MGMT: variants seen among roughly 807,000 people sequenced by gnomAD.
MGMT encodes the protein methylated-DNA--protein-cysteine methyltransferase.
In MGMT, 14 loss-of-function variants were observed where a neutral mutation model predicts 15.9. That is an observed-to-expected ratio of 0.88 (90% CI 0.58 to 1.37). MGMT has a LOEUF of 1.37. Ranked by LOEUF, MGMT falls within the 40% of genes most tolerant of loss-of-function variation. MGMT has a pLI of 0.00. For synonymous variants in MGMT, 130 were observed against 118.2 expected (o/e 1.10, Z -0.65); for missense variants, 282 against 268.1 (o/e 1.05, Z -0.36).
At chr10:129,761,674 C>T (rs368078344) in intron 4 of MGMT, among the ~76,000 whole-genome samples, 5 of 152,222 alleles carry the variant, frequency 3.3e-5, no homozygotes, top group Admixed American at 6.5e-5. Context: ...GTCCACACAT[C>T]GGCACCCTGT....
intron 2 of MGMT, among the ~76,000 whole-genome samples, chr10:129,644,271 A>C (rs1847360431): frequency 6.6e-6 from 1 of 152,204 alleles, no homozygotes; most frequent in Non-Finnish European, 1.5e-5. Flanking sequence ...TGAGTGAGTG[A>C]GTACATTGAA....
chr10:129,574,326 CT>C (rs1846454552), intron 2 of MGMT, among the ~76,000 whole-genome samples: 1 of 152,224 alleles, frequency 6.6e-6, no homozygotes, highest in Non-Finnish European at 1.5e-5. Flanking sequence ...CTTGGCAGCC[CT>C]TTCCACCCGT....
chr10:129,567,849 T>C (rs1219088777), intron 2 of MGMT, among the ~76,000 whole-genome samples: 1 of 152,172 alleles, frequency 6.6e-6, no homozygotes, highest in East Asian at 1.9e-4. Context: ...AAATGATAGA[T>C]CACCTAATTT....
At chr10:129,691,260 C>G (rs996901906) in intron 2 of MGMT, among the ~76,000 whole-genome samples, 1 of 152,220 alleles carries the variant, frequency 6.6e-6, no homozygotes, top group Admixed American at 6.5e-5. Flanking sequence ...TGTCTGTCCC[C>G]TGCCGGTCCT....
At chr10:129,650,098 C>T (rs1441957143) in intron 2 of MGMT, among the ~76,000 whole-genome samples, 4 of 152,142 alleles carry the variant, frequency 2.6e-5, no homozygotes, top group African/African-American at 7.2e-5. Context: ...GGGCACTCAC[C>T]GGCTCGTGGC....
chr10:129,631,695 G>T (rs1387456311), intron 2 of MGMT, among the ~76,000 whole-genome samples: 1 of 152,108 alleles, frequency 6.6e-6, no homozygotes, highest in African/African-American at 2.4e-5. Context: ...GAGATGGTGT[G>T]CACCTGTGGT....
intron 1 of MGMT, among the ~76,000 whole-genome samples, chr10:129,502,496 A>AG (rs1377900935): frequency 6.6e-6 from 1 of 152,232 alleles, no homozygotes; most frequent in Admixed American, 6.5e-5. Flanking sequence ...GATTAAAAAA[A>AG]GGAAATAAAT....
At chr10:129,526,334 G>T (rs1476256010) in intron 1 of MGMT, among the ~76,000 whole-genome samples, 1 of 152,196 alleles carries the variant, frequency 6.6e-6, no homozygotes, top group Non-Finnish European at 1.5e-5. Context: ...TCAGAAGGGA[G>T]ATTGCAAAGC....
At chr10:129,705,508 T>C (rs1385491372) in intron 2 of MGMT, among the ~76,000 whole-genome samples, 1 of 152,228 alleles carries the variant, frequency 6.6e-6, no homozygotes, top group African/African-American at 2.4e-5. Flanking sequence ...GAAACCTTTT[T>C]AACTATAAGG....
At chr10:129,648,153 C>T (rs1361039305) in intron 2 of MGMT, among the ~76,000 whole-genome samples, 1 of 152,090 alleles carries the variant, frequency 6.6e-6, no homozygotes. Flanking sequence ...AACACATCTC[C>T]ATAATATTTT....
At chr10:129,486,843 A>T (rs892128249) in intron 1 of MGMT, among the ~76,000 whole-genome samples, 3 of 152,194 alleles carry the variant, frequency 2.0e-5, no homozygotes, top group Admixed American at 2.0e-4. Flanking sequence ...TGTTGTCAAA[A>T]ATGAGACCAG....
At chr10:129,617,774 C>T (rs1484555450) in intron 2 of MGMT, among the ~76,000 whole-genome samples, 1 of 151,672 alleles carries the variant, frequency 6.6e-6, no homozygotes, top group African/African-American at 2.4e-5. Flanking sequence ...TTTTTTTTTA[C>T]AGAGTTGATT....
chr10:129,597,959 G>A (rs145321245), intron 2 of MGMT, among the ~76,000 whole-genome samples: 21 of 152,286 alleles, frequency 1.4e-4, no homozygotes, highest in Non-Finnish European at 2.6e-4. Flanking sequence ...GATGTCGTTC[G>A]GTGGGTAGAG....
chr10:129,471,997 G>A (rs1845236796), intron 1 of MGMT, among the ~76,000 whole-genome samples: 1 of 152,212 alleles, frequency 6.6e-6, no homozygotes, highest in Non-Finnish European at 1.5e-5. Context: ...AGATGCAGAT[G>A]TTACCAAAAC....
At chr10:129,643,525 G>A (rs1589910987) in intron 2 of MGMT, among the ~76,000 whole-genome samples, 1 of 152,188 alleles carries the variant, frequency 6.6e-6, no homozygotes, top group African/African-American at 2.4e-5. Flanking sequence ...CTGGGCTTGA[G>A]AGTCGAGCTC....
chr10:129,762,992 G>A (rs923903739), intron 4 of MGMT, among the ~76,000 whole-genome samples: 3 of 152,120 alleles, frequency 2.0e-5, no homozygotes, highest in African/African-American at 7.2e-5. Flanking sequence ...AAGAACAAAG[G>A]CGAAGTTGGA....
intron 1 of MGMT, among the ~76,000 whole-genome samples, chr10:129,498,925 A>G (rs543223188): frequency 6.6e-6 from 1 of 152,192 alleles, no homozygotes; most frequent in South Asian, 2.1e-4. Context: ...ATCTGCATTT[A>G]TTTCTGTGTC....
chr10:129,488,004 TACACACACACACACACACAC>T (rs373298935), intron 1 of MGMT, among the ~76,000 whole-genome samples: 8 of 121,504 alleles, frequency 6.6e-5, no homozygotes, highest in Non-Finnish European at 1.3e-4. Context: ...CACATAGGTA[TACACACACACACACACACAC>T]ACACACACAC....
At chr10:129,700,676 A>G (rs1848088333) in intron 2 of MGMT, 1 of 152,226 alleles carries the variant, frequency 6.6e-6, no homozygotes, top group South Asian at 2.1e-4. Flanking sequence ...ATACAGAGTC[A>G]AAAGGTTTTA....
Sources: allele counts gnomAD v4.1 joint callset (sites outside exome capture counted in the v4.1 genomes callset), GRCh38; gene constraint gnomAD v4.1.1; transcripts MANE v1.5; gene names NCBI Gene and HGNC (gene_info 2026-07-23, HGNC 2026-07-21).